Variants in PLSCR2 observed in about 807,000 individuals in gnomAD.
The protein encoded by PLSCR2 is PL scramblase 2.
PLSCR2 carries 18 observed loss-of-function variants against 25.3 expected under a neutral mutation model. The observed-to-expected ratio is 0.71, with a 90% confidence interval of 0.49 to 1.06. The LOEUF (loss-of-function observed/expected upper bound fraction) is 1.06, where lower values mean the gene tolerates loss of function less well. PLSCR2 is among the 50% of genes least tolerant of loss of function. PLSCR2 has a pLI of 0.00. For synonymous variants in PLSCR2, 88 were observed against 87.3 expected, an observed-to-expected ratio of 1.01 and a Z score of -0.04; for missense variants, 243 against 269.5, an observed-to-expected ratio of 0.90 and a Z score of 0.69.
At chr3:146,436,798 C>T (rs1451364003), downstream of PLSCR2, among the ~76,000 whole-genome samples, 1 of 152,190 alleles carries the variant, frequency 6.6e-6, no homozygotes, top group Non-Finnish European at 1.5e-5. Flanking sequence ...CTGGCCAGAA[C>T]TCCCAACACT....
At chr3:146,481,548 A>T (rs2043130409) in intron 1 of PLSCR2, among the ~76,000 whole-genome samples, 1 of 152,182 alleles carries the variant, frequency 6.6e-6, no homozygotes, top group African/African-American at 2.4e-5. Flanking sequence ...CTTCAAGGAG[A>T]ACTACAAACC....
intron 1 of PLSCR2, among the ~76,000 whole-genome samples, chr3:146,474,328 A>G (rs2042215577): frequency 6.6e-6 from 1 of 152,164 alleles, no homozygotes; most frequent in Admixed American, 6.5e-5. Flanking sequence ...CCACGGCACC[A>G]AGGGGGAAAA....
intron 1 of PLSCR2, 61 bp downstream of exon 1, chr3:146,469,434 C>T (rs2042016675): frequency 1.1e-6 from 1 of 917,270 alleles, no homozygotes; most frequent in Non-Finnish European, 1.3e-6. Flanking sequence ...GGAGCATCGT[C>T]CCCACTAGCC....
At chr3:146,424,274 G>T (rs893436081) in intron 2 of PLSCR2, among the ~76,000 whole-genome samples, 67 of 151,962 alleles carry the variant, frequency 4.4e-4, no homozygotes, top group African/African-American at 1.5e-3. Context: ...AGAGTTCTCT[G>T]GTGACTCTTC....
chr3:146,472,244 A>T (rs1435010249), intron 1 of PLSCR2, among the ~76,000 whole-genome samples: 2 of 152,200 alleles, frequency 1.3e-5, no homozygotes, highest in African/African-American at 2.4e-5. Flanking sequence ...AGTTGTGTAC[A>T]AGTCATGTAT....
chr3:146,487,100 C>T (rs1044479927), intron 1 of PLSCR2, among the ~76,000 whole-genome samples: 6 of 151,948 alleles, frequency 3.9e-5, no homozygotes, highest in African/African-American at 1.4e-4. Flanking sequence ...AAAAGGCCTT[C>T]AATACCATTC....
chr3:146,492,448 A>G (rs1215629795), intron 1 of PLSCR2, among the ~76,000 whole-genome samples: 1 of 152,184 alleles, frequency 6.6e-6, no homozygotes, highest in Non-Finnish European at 1.5e-5. Context: ...TACTCATCAC[A>G]GTCTTGGACT....
At chr3:146,437,570 A>C (rs866801608), downstream of PLSCR2, among the ~76,000 whole-genome samples, 1 of 152,058 alleles carries the variant, frequency 6.6e-6, no homozygotes, top group Middle Eastern at 3.2e-3. Context: ...AGAGGTGTTT[A>C]TAGTATTCTC....
intron 8 of PLSCR2, among the ~76,000 whole-genome samples, chr3:146,434,692 CTTTGT>C (rs904214390): frequency 4.6e-5 from 7 of 151,794 alleles, no homozygotes; most frequent in African/African-American, 2.4e-5. Flanking sequence ...AGTCATTTCA[CTTTGT>C]TTTATTTCCA....
chr3:146,494,646 AC>A (rs1160875869), intron 1 of PLSCR2: 2 of 152,154 alleles, frequency 1.3e-5, no homozygotes, highest in African/African-American at 4.8e-5. Context: ...CTGTCAGTGA[AC>A]CTAAAATACA....
downstream of PLSCR2, among the ~76,000 whole-genome samples, chr3:146,432,997 C>A (rs1403936014): frequency 6.6e-6 from 1 of 152,094 alleles, no homozygotes; most frequent in Non-Finnish European, 1.5e-5. Context: ...TCTTATTGTG[C>A]ATGAATTGAA....
At position 146,471,358 on chromosome 3, in the gene PLSCR2, A is replaced by T. The variant is rs114906068; in HGVS notation, c.-292-11074T>A. ...ATGTTTCCTACTGTGAATGGCAAGC[A>T]TTATCTTATTTTTTGTTTGTTGATT... On this transcript the variant is annotated intron_variant, in intron 1 of 8. Transcript: ENST00000336685. Among the ~76,000 whole-genome samples the T allele has an allele frequency of 3.6e-3, 546 of 152,238 alleles. 5 individuals are homozygous for T. The highest frequency in any genetic ancestry group is 0.013 in the African/African-American group (526 of 41,558).
At chr3:146,441,177 G>A (rs1305135793), downstream of PLSCR2, among the ~76,000 whole-genome samples, 2 of 151,894 alleles carry the variant, frequency 1.3e-5, no homozygotes, top group African/African-American at 4.8e-5. Context: ...GTGCTTTTCT[G>A]AAGATTAAAA....
chr3:146,436,437 T>C (rs949287124), intron 8 of PLSCR2, among the ~76,000 whole-genome samples: 5 of 152,228 alleles, frequency 3.3e-5, no homozygotes, highest in African/African-American at 4.8e-5. Flanking sequence ...GTTTGTGTCC[T>C]CTTTTATTTC....
In PLSCR2 at chr3:146,393,576, C is replaced by A. The variant is rs1271837687; in HGVS notation, c.*146-2014G>T. Among the ~76,000 whole-genome samples the A allele has an allele frequency of 2.0e-5, 3 of 151,470 alleles. No homozygotes were observed. In the South Asian group the frequency reaches 6.3e-4, roughly 32 times the overall value. On this transcript the variant is annotated intron_variant and NMD_transcript_variant, in intron 3 of 3. Transcript: ENST00000463633. ...CTGTAATCCCAGCACTTTGGGAGGC[C>A]GAGGCGGGCAGATCACGAGGTCAAG...
chr3:146,483,100 G>A (rs2043187694), intron 1 of PLSCR2, among the ~76,000 whole-genome samples: 1 of 151,538 alleles, frequency 6.6e-6, no homozygotes, highest in African/African-American at 2.4e-5. Context: ...TGACATGATT[G>A]TATATTTAGA....
chr3:146,458,311 C>T, intron 3 of PLSCR2, 100 bp downstream of exon 3: 2 of 1,015,950 alleles, frequency 2.0e-6, no homozygotes, highest in South Asian at 1.7e-5. Flanking sequence ...TTTTACCATC[C>T]CACATCACTC....
chr3:146,394,953 C>A (rs952176928), intron 3 of PLSCR2, among the ~76,000 whole-genome samples: 2 of 152,160 alleles, frequency 1.3e-5, no homozygotes, highest in Non-Finnish European at 2.9e-5. Flanking sequence ...TTTCCTGCCG[C>A]CTTGTGGAAA....
chr3:146,450,065 T>TTTTTACA, intron 5 of PLSCR2, among the ~76,000 whole-genome samples: 1 of 152,296 alleles, frequency 6.6e-6, no homozygotes, highest in South Asian at 2.1e-4. Context: ...AAAATTCTGC[T>TTTTTACA]GAGGAAAACT....
Sources: gnomAD v4.1 joint callset for allele counts (sites outside exome capture counted in the v4.1 genomes callset) on GRCh38, gnomAD v4.1.1 for gene constraint, MANE v1.5 for transcripts, NCBI Gene and HGNC (gene_info 2026-07-23, HGNC 2026-07-21) for gene names.